Variants in CTNNBIP1 observed in about 807,000 individuals in gnomAD.
CTNNBIP1 encodes the protein catenin beta interacting protein 1, also known as beta-catenin-interacting protein 1.
CTNNBIP1 carries 7 observed loss-of-function variants against 11.8 expected under a neutral mutation model. The observed-to-expected ratio is 0.60, with a 90% confidence interval of 0.34 to 1.12. CTNNBIP1 has a LOEUF of 1.12. Ranked by LOEUF, CTNNBIP1 falls within the 50% of genes most tolerant of loss-of-function variation. CTNNBIP1 has a pLI of 0.03. For missense variants in CTNNBIP1, 101 were observed against 113.4 expected, an observed-to-expected ratio of 0.89 and a Z score of 0.50; for synonymous variants, 58 against 43.9, an observed-to-expected ratio of 1.32 and a Z score of -1.26.
chr1:9,894,065 C>A (rs1557763854), intron 1 of CTNNBIP1, among the ~76,000 whole-genome samples: 2 of 152,040 alleles, frequency 1.3e-5, no homozygotes, highest in Non-Finnish European at 1.5e-5. Flanking sequence ...TTTTCTTCCT[C>A]CTCACCTTTT....
chr1:9,856,659 G>A (rs1242816895), intron 5 of CTNNBIP1, among the ~76,000 whole-genome samples: 2 of 151,472 alleles, frequency 1.3e-5, no homozygotes, highest in African/African-American at 4.8e-5. Flanking sequence ...GATTACAGTC[G>A]CCAGCCACCA....
intron 5 of CTNNBIP1, among the ~76,000 whole-genome samples, chr1:9,858,897 TAGA>T (rs1311171205): frequency 6.6e-6 from 1 of 152,088 alleles, no homozygotes; most frequent in Non-Finnish European, 1.5e-5. Context: ...GCCTTCACCC[TAGA>T]AGGAGAAAGG....
At chr1:9,874,343 C>T (rs1638922062) in intron 3 of CTNNBIP1, among the ~76,000 whole-genome samples, 2 of 152,238 alleles carry the variant, frequency 1.3e-5, no homozygotes, top group Admixed American at 6.5e-5. Flanking sequence ...CAGCCCTGAA[C>T]TCCTGGGCTT....
chr1:9,875,564 C>T (rs1012185294), intron 3 of CTNNBIP1, among the ~76,000 whole-genome samples: 3 of 152,376 alleles, frequency 2.0e-5, no homozygotes, highest in Non-Finnish European at 4.4e-5. Flanking sequence ...TGTGGGCCTG[C>T]GGTGTCGTCT....
At chr1:9,889,182 A>G (rs539869469) in intron 1 of CTNNBIP1, among the ~76,000 whole-genome samples, 1 of 152,350 alleles carries the variant, frequency 6.6e-6, no homozygotes, top group Non-Finnish European at 1.5e-5. Context: ...GACAGGAAGC[A>G]AAAAGAAAGG....
chr1:9,873,884 C>T (rs1399690827), intron 3 of CTNNBIP1, among the ~76,000 whole-genome samples: 1 of 152,108 alleles, frequency 6.6e-6, no homozygotes, highest in Non-Finnish European at 1.5e-5. Context: ...CACAGGTGCA[C>T]ATCACCACGC....
At chr1:9,862,076 C>T (rs1453981728) in intron 5 of CTNNBIP1, among the ~76,000 whole-genome samples, 2 of 152,040 alleles carry the variant, frequency 1.3e-5, no homozygotes, top group Non-Finnish European at 2.9e-5. Flanking sequence ...CACACATGAC[C>T]TTTGTGATAT....
At chr1:9,853,506 G>A (rs1240505033) in intron 5 of CTNNBIP1, among the ~76,000 whole-genome samples, 2 of 152,244 alleles carry the variant, frequency 1.3e-5, no homozygotes, top group African/African-American at 2.4e-5. Flanking sequence ...GGACCTCAGA[G>A]GTTGAGTCCT....
Position 9,871,260 on chromosome 1 carries a change from C to T in CTNNBIP1, c.114G>A (p.Glu38=). Residue 38 remains glutamate (E), a synonymous_variant, in exon 5 of 6, where the codon GAG becomes GAA. Coordinates refer to ENST00000377263, the MANE Select transcript of CTNNBIP1 (RefSeq NM_020248.3). The surrounding 1 kb of genome is among the most constrained non-coding windows in gnomAD (Gnocchi z 5.2). ...KMGSNLTASE[E]EFLRTYAGVV... ...CCCCTGCATAGGTGCGCAGGAACTC[C>T]TCCTCGCTGGCTGTCAGCTGCAGGG... 6.4e-7 allele frequency: 1 copy of T among 1,573,280 alleles called. No homozygotes were observed.
At position 9,867,769 on chromosome 1, in the gene CTNNBIP1, T is replaced by C. The variant is rs984545714; in HGVS notation, c.187+3418A>G. On this transcript the variant is annotated intron_variant, in intron 5 of 5. Transcript: ENST00000377263. This position sits in a 1 kb window ranked among gnomAD's most constrained non-coding sequence, Gnocchi z 4.6. ...GGCCCCCGCATCCTGCCCCAGTCCC[T>C]GGAGACAACAATCCAGGGCTTCTTC... Among the ~76,000 whole-genome samples the C allele has an allele frequency of 1.3e-5, 2 of 152,186 alleles. No individual in the cohort carries two copies. The highest frequency in any genetic ancestry group is 2.9e-5 in the Non-Finnish European group (2 of 68,020).
chr1:9,866,235 G>A (rs1407758353), intron 5 of CTNNBIP1, among the ~76,000 whole-genome samples: 2 of 152,206 alleles, frequency 1.3e-5, no homozygotes, highest in African/African-American at 2.4e-5. Flanking sequence ...GAGTAAGGTG[G>A]GGGTGAAGGC....
At chr1:9,870,907 T>A (rs1460552917) in intron 5 of CTNNBIP1, among the ~76,000 whole-genome samples, 1 of 152,134 alleles carries the variant, frequency 6.6e-6, no homozygotes, top group Non-Finnish European at 1.5e-5. Context: ...CCCCCAGACA[T>A]CTCCATTTCC....
rs1179763132 is a variant in CTNNBIP1, at chr1:9,850,768, C to T, written c.196G>A (p.Asp66Asn). 1 of 1,613,788 alleles carries T rather than the reference C, an allele frequency of 6.2e-7. No homozygotes were observed. Among genetic ancestry groups the T allele is most frequent in the Non-Finnish European group, 8.5e-7 (1 of 1,179,868 alleles). The change falls in exon 6 of 6, where the codon GAC becomes AAC. Residue 66 changes from aspartate (D) to asparagine (N), a missense_variant. Transcript: ENST00000377263. ...GACCTGGAAAACGCCATCACCACGT[C>T]CTCTGCACCTGCAGATAAGGCGACA... ...PPHSIDQGAE[D>N]VVMAFSRSET...
At chr1:9,901,650 G>A (rs1288174251) in intron 1 of CTNNBIP1, among the ~76,000 whole-genome samples, 1 of 152,146 alleles carries the variant, frequency 6.6e-6, no homozygotes, top group East Asian at 1.9e-4. Flanking sequence ...CTCTCCATGT[G>A]GGAGAGGATA....
intron 1 of CTNNBIP1, among the ~76,000 whole-genome samples, chr1:9,897,226 G>A (rs1389721185): frequency 6.6e-6 from 1 of 151,826 alleles, no homozygotes; most frequent in Non-Finnish European, 1.5e-5. Flanking sequence ...AGGCCGAGGC[G>A]GGCGGATCAC....
intron 1 of CTNNBIP1, among the ~76,000 whole-genome samples, chr1:9,899,893 G>T (rs1396417329): frequency 6.6e-6 from 1 of 151,468 alleles, no homozygotes; most frequent in Non-Finnish European, 1.5e-5. Context: ...AGCCAACATG[G>T]CAAAGCCCCA....
At chr1:9,886,934 G>A (rs1358999426) in intron 1 of CTNNBIP1, among the ~76,000 whole-genome samples, 1 of 152,112 alleles carries the variant, frequency 6.6e-6, no homozygotes, top group Non-Finnish European at 1.5e-5. Flanking sequence ...TATATTCCAC[G>A]TTGCAGCCTC....
intron 5 of CTNNBIP1, among the ~76,000 whole-genome samples, chr1:9,861,390 C>T (rs1430272945): frequency 6.6e-6 from 1 of 152,224 alleles, no homozygotes; most frequent in Non-Finnish European, 1.5e-5. Context: ...CTATTTTCAG[C>T]AGCTCGGGAC....
At chr1:9,854,035 C>A (rs1364157439) in intron 5 of CTNNBIP1, among the ~76,000 whole-genome samples, 1 of 152,066 alleles carries the variant, frequency 6.6e-6, no homozygotes, top group African/African-American at 2.4e-5. Context: ...GGATAAAGGA[C>A]AAAAACCATA....
Sources: allele counts gnomAD v4.1 joint callset (sites outside exome capture counted in the v4.1 genomes callset), GRCh38; gene constraint gnomAD v4.1.1; non-coding constraint Gnocchi (gnomAD v3.1); transcripts MANE v1.5; gene names NCBI Gene and HGNC (gene_info 2026-07-23, HGNC 2026-07-21).